Variants in MAP4K4 observed in about 807,000 individuals in gnomAD.
The protein encoded by MAP4K4 is HPK/GCK-like kinase HGK.
In MAP4K4, 38 loss-of-function variants were observed where a neutral mutation model predicts 189.6. The ratio of observed to expected loss-of-function variants is 0.20; its 90% CI spans 0.15 to 0.26. MAP4K4 has a LOEUF of 0.26. Among genes scored for constraint, MAP4K4 ranks in the 10% least tolerant of loss-of-function variants. The probability of loss-of-function intolerance (pLI) is 1.00; values close to 1 mark genes in which losing one functional copy is unlikely to be tolerated. For missense variants in MAP4K4, 1,054 were observed against 1,726.9 expected, an observed-to-expected ratio of 0.61 and a Z score of 6.91; for synonymous variants, 610 against 624.3, an observed-to-expected ratio of 0.98 and a Z score of 0.34.
chr2:101,876,891 G>T, intron 26 of MAP4K4, 112 bp from the exon 27 acceptor site: 1 of 1,045,260 alleles, frequency 9.6e-7, no homozygotes, highest in South Asian at 1.6e-5. Flanking sequence ...GCTTCTGGGT[G>T]AATTAAGGAA....
intron 3 of MAP4K4, among the ~76,000 whole-genome samples, chr2:101,795,172 A>C (rs1475297202): frequency 6.6e-6 from 1 of 152,158 alleles, no homozygotes; most frequent in Non-Finnish European, 1.5e-5. Flanking sequence ...GTGCATTATT[A>C]GTTTTACATT....
At chr2:101,870,656 C>A in intron 23 of MAP4K4, 1 of 481,716 alleles carries the variant, frequency 2.1e-6, no homozygotes, top group Non-Finnish European at 3.8e-6. Flanking sequence ...AGCCCTCATT[C>A]AAGCACCGCG....
chr2:101,766,214 G>C (rs1203262330), intron 2 of MAP4K4, among the ~76,000 whole-genome samples: 1 of 152,114 alleles, frequency 6.6e-6, no homozygotes, highest in South Asian at 2.1e-4. Context: ...TAGATCTTAT[G>C]AATTTCTGAA....
intron 25 of MAP4K4, 93 bp from the exon 26 acceptor site, chr2:101,873,989 C>A: frequency 8.9e-7 from 1 of 1,118,174 alleles, no homozygotes; most frequent in Non-Finnish European, 1.3e-6. Flanking sequence ...GTTGGTTATA[C>A]CACATGAATA....
chr2:101,823,964 C>G (rs1408672619), exon 4 of MAP4K4: 1 of 1,606,740 alleles, frequency 6.2e-7, no homozygotes, highest in East Asian at 2.2e-5. Context: ...GATAAATATG[C>G]TAAAGAAATA....
chr2:101,719,556 A>G (rs1256451807), intron 2 of MAP4K4, among the ~76,000 whole-genome samples: 4 of 152,076 alleles, frequency 2.6e-5, no homozygotes, highest in Non-Finnish European at 4.4e-5. Flanking sequence ...AAAGAGGGGG[A>G]AAGTGGGCAG....
intron 2 of MAP4K4, among the ~76,000 whole-genome samples, chr2:101,753,683 G>C (rs1224899971): frequency 6.8e-6 from 1 of 147,154 alleles, no homozygotes; most frequent in Non-Finnish European, 1.5e-5. Flanking sequence ...TTTTTCCTTA[G>C]CCCAGCAAAA....
At chr2:101,775,168 G>T (rs184132579) in intron 2 of MAP4K4, among the ~76,000 whole-genome samples, 1 of 151,104 alleles carries the variant, frequency 6.6e-6, no homozygotes, top group Non-Finnish European at 1.5e-5. Flanking sequence ...GAGTGGCTTT[G>T]TGGGGCCATT....
intron 2 of MAP4K4, among the ~76,000 whole-genome samples, chr2:101,773,064 T>G (rs2082249654): frequency 6.6e-6 from 1 of 152,172 alleles, no homozygotes; most frequent in Non-Finnish European, 1.5e-5. Context: ...CAAGACCCCC[T>G]TCCTTGGGCT....
At chr2:101,854,256 G>C (rs1157349107) in intron 12 of MAP4K4, among the ~76,000 whole-genome samples, 1 of 152,114 alleles carries the variant, frequency 6.6e-6, no homozygotes, top group Non-Finnish European at 1.5e-5. Flanking sequence ...GAAACCCGGT[G>C]GAACAAACAA....
At chr2:101,844,944 A>T (rs931722797) in intron 12 of MAP4K4, among the ~76,000 whole-genome samples, 1 of 152,130 alleles carries the variant, frequency 6.6e-6, no homozygotes, top group Non-Finnish European at 1.5e-5. Flanking sequence ...AAAATAAAAT[A>T]AAAAAGATAA....
chr2:101,757,531 C>G (rs1313851700), intron 2 of MAP4K4, among the ~76,000 whole-genome samples: 1 of 152,118 alleles, frequency 6.6e-6, no homozygotes, highest in African/African-American at 2.4e-5. Flanking sequence ...TTACTTAATA[C>G]AGACTCAATA....
intron 27 of MAP4K4, among the ~76,000 whole-genome samples, chr2:101,881,588 C>T (rs1334485101): frequency 6.6e-6 from 1 of 152,128 alleles, no homozygotes; most frequent in African/African-American, 2.4e-5. Flanking sequence ...GAAGGGAAAT[C>T]CTTCACTTGT....
chr2:101,793,172 A>G (rs1175816492), intron 3 of MAP4K4, among the ~76,000 whole-genome samples: 6 of 152,222 alleles, frequency 3.9e-5, no homozygotes, highest in Non-Finnish European at 8.8e-5. Context: ...AAACCCATGT[A>G]TTCAGGTAAA....
rs182591841 is a variant in MAP4K4, at chr2:101,891,591, G to A, written c.*342G>A. 9.7e-5 allele frequency: 19 copies of A among 196,210 alleles called. 1 individual carries two copies. The East Asian group carries it at 2.3e-3, about 23-fold the overall frequency. The allele number at this position is 196,210 out of a possible 1,614,324, so 12.2% of individuals were successfully genotyped here. ...GAATTCCTTGTCTCTGAATGACTCT[G>A]TCTTGTGGGTGTCTGACAGTGGCGA... On this transcript the variant is annotated 3_prime_UTR_variant, in exon 33 of 33. Transcript: ENST00000324219.
chr2:101,723,663 T>C (rs957058256), intron 2 of MAP4K4, among the ~76,000 whole-genome samples: 1 of 152,176 alleles, frequency 6.6e-6, no homozygotes, highest in African/African-American at 2.4e-5. Flanking sequence ...CTTTTGAAGG[T>C]TTGAAGTATT....
chr2:101,828,391 T>G (rs1443517158), intron 5 of MAP4K4, among the ~76,000 whole-genome samples: 2 of 152,246 alleles, frequency 1.3e-5, no homozygotes, highest in African/African-American at 4.8e-5. Context: ...TGTTCCTAAC[T>G]ATAGCAATAA....
Position 101,745,439 on chromosome 2 carries a change from A to T in MAP4K4, c.124-45281A>T, listed in dbSNP as rs1029179820. ...TACAATTCAAGATTTGCCCCCAGGT[A>T]AAAAAAAAAAAAAAAAAAAGTATTA... On this transcript the variant is annotated intron_variant, in intron 2 of 32. Coordinates refer to ENST00000324219, the Ensembl canonical transcript of MAP4K4. Among the ~76,000 whole-genome samples, 11 of 31,164 alleles carry T rather than the reference A, an allele frequency of 3.5e-4. No homozygotes were observed. The East Asian group carries it at 8.4e-3, about 24-fold the overall frequency. The allele number at this position is 31,164 out of a possible 152,430, so 20.4% of individuals were successfully genotyped here. A position where few individuals can be genotyped will look rare whatever the true frequency, so the allele number is the denominator to read the frequency against.
At position 101,698,468 on chromosome 2, in the gene MAP4K4, T is replaced by G. The variant is rs764971310; in HGVS notation, c.58-5T>G. 1 of 1,613,256 alleles carries G rather than the reference T, an allele frequency of 6.2e-7. No homozygotes were observed. Among genetic ancestry groups the G allele is most frequent in the Admixed American group, 1.7e-5 (1 of 60,014 alleles). ...ATGATAACCCCTCCCCTCCTTCCTC[T>G]CCAGGATCCTGCTGGGATTTTTGAG... On this transcript the variant is annotated splice_polypyrimidine_tract_variant and splice_region_variant and intron_variant, in intron 1 of 32. Coordinates refer to ENST00000324219, the Ensembl canonical transcript of MAP4K4.
Sources: gnomAD v4.1 joint callset for allele counts (sites outside exome capture counted in the v4.1 genomes callset) on GRCh38, gnomAD v4.1.1 for gene constraint, MANE v1.5 for transcripts, NCBI Gene and HGNC (gene_info 2026-07-23, HGNC 2026-07-21) for gene names.